RETREG1: variants seen among roughly 807,000 people sequenced by gnomAD.
RETREG1 encodes the protein reticulophagy regulator 1.
A neutral mutation model predicts 54.8 loss-of-function variants in RETREG1; 44 were observed. That is an observed-to-expected ratio of 0.80 (90% CI 0.63 to 1.03). The LOEUF is 1.03. Ranked by LOEUF, RETREG1 falls within the 50% of genes least tolerant of loss-of-function variation. RETREG1 has a pLI of 0.00. For missense variants in RETREG1, 554 were observed against 605.1 expected, an observed-to-expected ratio of 0.92 and a Z score of 0.89; for synonymous variants, 217 against 238.5, an observed-to-expected ratio of 0.91 and a Z score of 0.83.
chr5:16,581,156 C>T (rs1240420811), intron 1 of RETREG1, among the ~76,000 whole-genome samples: 1 of 152,100 alleles, frequency 6.6e-6, no homozygotes, highest in Admixed American at 6.5e-5. Flanking sequence ...AAGGGAGAGG[C>T]TGGGCAGGGC....
At chr5:16,543,970 G>GTTTTT (rs750605921) in intron 3 of RETREG1, among the ~76,000 whole-genome samples, 5 of 121,096 alleles carry the variant, frequency 4.1e-5, no homozygotes, top group African/African-American at 6.4e-5. Flanking sequence ...TTATTGCCAA[G>GTTTTT]TTTTTTTTTT....
chr5:16,588,613 A>C (rs1221906205), intron 1 of RETREG1, among the ~76,000 whole-genome samples: 1 of 152,158 alleles, frequency 6.6e-6, no homozygotes, highest in Non-Finnish European at 1.5e-5. Context: ...CATCCTCCCA[A>C]ACTCCCTGCC....
At chr5:16,502,387 T>C (rs1739754210) in intron 3 of RETREG1, among the ~76,000 whole-genome samples, 1 of 152,212 alleles carries the variant, frequency 6.6e-6, no homozygotes, top group African/African-American at 2.4e-5. Context: ...GCCTGACCAA[T>C]TGAATATGGT....
chr5:16,503,641 C>T (rs1329871948), intron 3 of RETREG1, among the ~76,000 whole-genome samples: 7 of 132,888 alleles, frequency 5.3e-5, no homozygotes, highest in South Asian at 2.3e-4. Flanking sequence ...CCAGCCTGGG[C>T]GACAGAGCAA....
chr5:16,589,939 C>T (rs188826688), intron 1 of RETREG1, among the ~76,000 whole-genome samples: 19 of 152,254 alleles, frequency 1.2e-4, no homozygotes, highest in Non-Finnish European at 2.2e-4. Context: ...GAAAACACTC[C>T]GATTCTCTCC....
intron 3 of RETREG1, among the ~76,000 whole-genome samples, chr5:16,495,978 A>G (rs1204908593): frequency 6.6e-6 from 1 of 152,132 alleles, no homozygotes; most frequent in East Asian, 1.9e-4. Flanking sequence ...TAGGGCTTCA[A>G]ATAAATTGAT....
At chr5:16,477,923 C>A in intron 7 of RETREG1, 111 bp downstream of exon 7, 1 of 1,373,784 alleles carries the variant, frequency 7.3e-7, no homozygotes, top group South Asian at 1.2e-5. Context: ...ATCATTCAGT[C>A]ATCTTACAGA....
At chr5:16,528,241 C>T (rs1370624415) in intron 3 of RETREG1, among the ~76,000 whole-genome samples, 1 of 152,050 alleles carries the variant, frequency 6.6e-6, no homozygotes, top group Non-Finnish European at 1.5e-5. Flanking sequence ...GGAAAAGCAG[C>T]ATTTTGAAAT....
At chr5:16,583,849 T>C (rs1742556935) in intron 1 of RETREG1, among the ~76,000 whole-genome samples, 1 of 152,216 alleles carries the variant, frequency 6.6e-6, no homozygotes, top group Admixed American at 6.5e-5. Flanking sequence ...GCATTGGAAC[T>C]CTTCAGAGTT....
intron 1 of RETREG1, among the ~76,000 whole-genome samples, chr5:16,612,703 A>G (rs934692398): frequency 3.9e-5 from 6 of 152,180 alleles, no homozygotes; most frequent in Admixed American, 3.9e-4. Flanking sequence ...CCTCTATTTT[A>G]CCAAACTCCT....
At chr5:16,498,726 A>G (rs1363853016) in intron 3 of RETREG1, among the ~76,000 whole-genome samples, 1 of 152,170 alleles carries the variant, frequency 6.6e-6, no homozygotes, top group Admixed American at 6.5e-5. Context: ...AAAGAGAAAA[A>G]CAATGGTGCA....
At chr5:16,522,832 T>C (rs1358103416) in intron 3 of RETREG1, among the ~76,000 whole-genome samples, 1 of 151,976 alleles carries the variant, frequency 6.6e-6, no homozygotes, top group Admixed American at 6.6e-5. Context: ...TAGTGGGACC[T>C]TATCTCTTCA....
intron 1 of RETREG1, among the ~76,000 whole-genome samples, chr5:16,582,391 CTATTT>C (rs1742512632): frequency 7.1e-6 from 1 of 140,162 alleles, no homozygotes. Context: ...TTTATTTCTC[CTATTT>C]TTTTTTTCTA....
At chr5:16,590,381 G>A (rs1029095265) in intron 1 of RETREG1, among the ~76,000 whole-genome samples, 4 of 152,190 alleles carry the variant, frequency 2.6e-5, no homozygotes, top group Non-Finnish European at 4.4e-5. Flanking sequence ...CCTGCACCTC[G>A]AAGGACAAGC....
chr5:16,531,795 C>T (rs1278756334), intron 3 of RETREG1, among the ~76,000 whole-genome samples: 2 of 152,170 alleles, frequency 1.3e-5, no homozygotes, highest in Non-Finnish European at 2.9e-5. Context: ...ACAGGAGATT[C>T]CTTTAACAAA....
chr5:16,503,919 C>T (rs1046752725), intron 3 of RETREG1, among the ~76,000 whole-genome samples: 1 of 151,798 alleles, frequency 6.6e-6, no homozygotes, highest in Non-Finnish European at 1.5e-5. Flanking sequence ...ATTTTAAGTC[C>T]CAGGGTACAT....
In RETREG1 at chr5:16,506,896, C is replaced by T. The variant is rs373389701; in HGVS notation, c.459-23424G>A. Among the ~76,000 whole-genome samples, 86 of 152,158 alleles carry T rather than the reference C, an allele frequency of 5.7e-4. 1 individual carries two copies. The highest frequency in any genetic ancestry group is 8.3e-4 in the South Asian group (4 of 4,816). ...CACAGGAATATGCTACCTCAAAGGA[C>T]GGGGAGTCTCTCATTTTCAATCCAA... On this transcript the variant is annotated intron_variant, in intron 3 of 8. Coordinates refer to ENST00000306320, the MANE Select transcript of RETREG1 (RefSeq NM_001034850.3).
intron 3 of RETREG1, among the ~76,000 whole-genome samples, chr5:16,491,623 A>C (rs1739250541): frequency 6.6e-6 from 1 of 152,356 alleles, no homozygotes; most frequent in South Asian, 2.1e-4. Context: ...AATAATAGAC[A>C]AAAAGTCCTA....
chr5:16,616,627 G>A, intron 1 of RETREG1, 25 bp downstream of exon 1: 4 of 1,571,002 alleles, frequency 2.5e-6, no homozygotes, highest in Non-Finnish European at 3.4e-6. Context: ...CCTCCTCAGC[G>A]CCCCCACCTT....
Sources: gnomAD v4.1 joint callset for allele counts (sites outside exome capture counted in the v4.1 genomes callset) on GRCh38, gnomAD v4.1.1 for gene constraint, MANE v1.5 for transcripts, NCBI Gene and HGNC (gene_info 2026-07-23, HGNC 2026-07-21) for gene names.